Variants in MACROD2 observed in about 807,000 individuals in gnomAD.
The protein encoded by MACROD2 is mono-ADP ribosylhydrolase 2, also known as ADP-ribose glycohydrolase MACROD2.
Under a neutral mutation model 70.4 loss-of-function variants are expected in MACROD2, and 36 were observed. That is an observed-to-expected ratio of 0.51 (90% CI 0.39 to 0.68). MACROD2 has a LOEUF of 0.68. Among genes scored for constraint, MACROD2 ranks in the 30% least tolerant of loss-of-function variants. The pLI is 0.00. For synonymous variants in MACROD2, 172 were observed against 178.8 expected (o/e 0.96, Z 0.30); for missense variants, 496 against 538.4 (o/e 0.92, Z 0.78).
chr20:15,285,107 A>G (rs771488365), intron 6 of MACROD2, among the ~76,000 whole-genome samples: 4 of 152,294 alleles, frequency 2.6e-5, no homozygotes, highest in East Asian at 1.9e-4. Context: ...AGTTCTTTCA[A>G]TGTCACACTG....
chr20:15,161,428 G>A (rs1429341188), intron 5 of MACROD2, among the ~76,000 whole-genome samples: 1 of 151,032 alleles, frequency 6.6e-6, no homozygotes, highest in South Asian at 2.1e-4. Context: ...CTACACACTG[G>A]TTAAAAGTGT....
In MACROD2 at chr20:14,762,316, C is replaced by T. The variant is rs370273126; in HGVS notation, c.418+77357C>T. Among the ~76,000 whole-genome samples, 14 of 152,202 alleles carry T rather than the reference C, an allele frequency of 9.2e-5. No homozygotes were observed. The East Asian group carries it at 2.3e-3, about 25-fold the overall frequency. ...TGTCTATACAAGCTAAGAAGACTTACTCAGGAGTGGGGTCATGGTGTCTCT... is the reference window on the plus strand; with the variant it reads ...TGTCTATACAAGCTAAGAAGACTTATTCAGGAGTGGGGTCATGGTGTCTCT... On this transcript the variant is annotated intron_variant, in intron 5 of 17. Transcript: ENST00000684519.
chr20:15,544,387 G>T (rs762216944), intron 8 of MACROD2, among the ~76,000 whole-genome samples: 2 of 152,188 alleles, frequency 1.3e-5, no homozygotes, highest in African/African-American at 2.4e-5. Context: ...GTTTTGAAAA[G>T]GTTCTCACCT....
chr20:14,733,213 C>T (rs958348648), intron 5 of MACROD2, among the ~76,000 whole-genome samples: 2 of 152,108 alleles, frequency 1.3e-5, no homozygotes, highest in African/African-American at 4.8e-5. Context: ...ATCCTAGTTA[C>T]CTATGAAATT....
At chr20:14,680,384 T>A (rs1172695260) in intron 4 of MACROD2, among the ~76,000 whole-genome samples, 2 of 152,302 alleles carry the variant, frequency 1.3e-5, no homozygotes, top group East Asian at 1.9e-4. Context: ...GGCTAACATC[T>A]TGGGTTTTCC....
intron 8 of MACROD2, among the ~76,000 whole-genome samples, chr20:15,858,323 G>A (rs1455632032): frequency 6.6e-6 from 1 of 152,034 alleles, no homozygotes; most frequent in Non-Finnish European, 1.5e-5. Context: ...CCTCAATAGC[G>A]AGGCATTCTT....
At chr20:15,474,617 G>A (rs904275402) in intron 7 of MACROD2, among the ~76,000 whole-genome samples, 3 of 152,134 alleles carry the variant, frequency 2.0e-5, no homozygotes, top group Non-Finnish European at 2.9e-5. Flanking sequence ...TCAGTTCCAG[G>A]GTGCCTGCCA....
At chr20:15,775,270 G>A (rs1180840299) in intron 8 of MACROD2, among the ~76,000 whole-genome samples, 2 of 152,082 alleles carry the variant, frequency 1.3e-5, no homozygotes, top group Admixed American at 6.5e-5. Context: ...TGAGGGTGGC[G>A]TTTTCCATGC....
chr20:15,748,825 T>C (rs1241263315), intron 8 of MACROD2, among the ~76,000 whole-genome samples: 1 of 152,104 alleles, frequency 6.6e-6, no homozygotes, highest in Non-Finnish European at 1.5e-5. Context: ...TCTAATGATA[T>C]TTTGACAAAC....
At chr20:14,986,290 CATTT>C (rs2074848107) in intron 5 of MACROD2, among the ~76,000 whole-genome samples, 1 of 152,060 alleles carries the variant, frequency 6.6e-6, no homozygotes, top group Non-Finnish European at 1.5e-5. Flanking sequence ...TTTCCTCAGG[CATTT>C]CTTTATGACC....
intron 10 of MACROD2, among the ~76,000 whole-genome samples, chr20:15,927,205 C>G (rs2065503849): frequency 6.6e-6 from 1 of 151,990 alleles, no homozygotes; most frequent in African/African-American, 2.4e-5. Context: ...AAATACGATT[C>G]AAGGAAAAAA....
At chr20:15,354,812 A>G (rs1415631279) in intron 6 of MACROD2, among the ~76,000 whole-genome samples, 1 of 152,204 alleles carries the variant, frequency 6.6e-6, no homozygotes, top group African/African-American at 2.4e-5. Flanking sequence ...AACAAGAAAA[A>G]TTGCTTATAT....
chr20:15,028,188 G>T (rs1047912115), intron 5 of MACROD2, among the ~76,000 whole-genome samples: 1 of 152,226 alleles, frequency 6.6e-6, no homozygotes, highest in African/African-American at 2.4e-5. Flanking sequence ...GGCCCTGGAA[G>T]TAGCTTCAAG....
At chr20:15,705,126 A>G (rs369078754) in intron 8 of MACROD2, among the ~76,000 whole-genome samples, 1 of 152,262 alleles carries the variant, frequency 6.6e-6, no homozygotes, top group Non-Finnish European at 1.5e-5. Context: ...TTATAAATTG[A>G]TGTGTTTTAT....
chr20:15,064,833 A>G (rs2075561127), intron 5 of MACROD2, among the ~76,000 whole-genome samples: 1 of 152,188 alleles, frequency 6.6e-6, no homozygotes, highest in Admixed American at 6.5e-5. Flanking sequence ...AAGTTTTATG[A>G]TTATTCAAGA....
intron 3 of MACROD2, among the ~76,000 whole-genome samples, chr20:14,234,223 CAAT>C (rs2081847831): frequency 6.6e-6 from 1 of 151,788 alleles, no homozygotes; most frequent in African/African-American, 2.4e-5. Flanking sequence ...AAAATAAAAG[CAAT>C]AATAAAACTC....
chr20:16,033,592 TAGTC>T (rs754708976), intron 15 of MACROD2, among the ~76,000 whole-genome samples: 3 of 152,090 alleles, frequency 2.0e-5, no homozygotes, highest in East Asian at 1.9e-4. Flanking sequence ...GCATTTATGA[TAGTC>T]AGTCATTATG....
intron 3 of MACROD2, among the ~76,000 whole-genome samples, chr20:14,296,977 GTAA>G (rs1305373950): frequency 6.6e-6 from 1 of 151,688 alleles, no homozygotes; most frequent in African/African-American, 2.4e-5. Flanking sequence ...TCACATTTTG[GTAA>G]TTCTCACAAT....
At chr20:15,010,888 A>G (rs1291612918) in intron 5 of MACROD2, among the ~76,000 whole-genome samples, 3 of 152,154 alleles carry the variant, frequency 2.0e-5, no homozygotes, top group Admixed American at 1.3e-4. Context: ...GGAAATGCCT[A>G]TTTTAGATGT....
Sources: allele counts gnomAD v4.1 joint callset (sites outside exome capture counted in the v4.1 genomes callset), GRCh38; gene constraint gnomAD v4.1.1; transcripts MANE v1.5; gene names NCBI Gene and HGNC (gene_info 2026-07-23, HGNC 2026-07-21).